Variants in GBE1 observed in about 807,000 individuals in gnomAD.
GBE1 encodes the protein 1,4-alpha-glucan-branching enzyme.
GBE1 carries 70 observed loss-of-function variants against 88.8 expected under a neutral mutation model. The observed-to-expected ratio is 0.79, with a 90% CI of 0.65 to 0.96. The LOEUF (loss-of-function observed/expected upper bound fraction) is 0.96. Ranked by LOEUF, GBE1 falls within the 40% of genes least tolerant of loss-of-function variation. GBE1 has a pLI of 0.00. For missense variants in GBE1, 872 were observed against 871.0 expected (o/e 1.00, Z -0.01); for synonymous variants, 284 against 300.1 (o/e 0.95, Z 0.56).
chr3:81,550,110 A>C (rs1401570464), intron 12 of GBE1, among the ~76,000 whole-genome samples: 1 of 151,518 alleles, frequency 6.6e-6, no homozygotes, highest in East Asian at 1.9e-4. Context: ...ACAATTGCCC[A>C]GTTCATGGAA....
chr3:81,647,267 GC>G (rs1193845496), intron 5 of GBE1, among the ~76,000 whole-genome samples: 2 of 152,048 alleles, frequency 1.3e-5, no homozygotes, highest in African/African-American at 4.8e-5. Flanking sequence ...CTGCAAGGTA[GC>G]TTTTATACAG....
chr3:81,535,288 A>G lies in GBE1; in HGVS notation c.1841T>C (p.Ile614Thr). The change falls in exon 14 of 16, where the codon ATT becomes ACT. Residue 614 changes from isoleucine to threonine, a missense_variant. Ile to Thr is a moderately conservative substitution (Grantham distance 89, BLOSUM62 -1). Transcript: ENST00000429644. ...AAGAAGACCTGCTCTTTCAAAAGCA[A>G]TGATCTTATTGCCTTCATGTTTTTC... ...VSEKHEGNKI[I>T]AFERAGLLFI... 1 of 1,611,320 alleles carries G rather than the reference A, an allele frequency of 6.2e-7. No homozygotes were observed. The highest frequency in any genetic ancestry group is 8.5e-7 in the Non-Finnish European group (1 of 1,178,574).
At chr3:81,561,685 T>C (rs1000939138) in intron 12 of GBE1, among the ~76,000 whole-genome samples, 2 of 152,028 alleles carry the variant, frequency 1.3e-5, no homozygotes, top group African/African-American at 2.4e-5. Flanking sequence ...TTTTACATTA[T>C]CAATCAAGTA....
rs1349541490 is a variant in GBE1, at chr3:81,646,499, T to C, written c.692-17A>G. 2 of 1,388,252 alleles carry C rather than the reference T, an allele frequency of 1.4e-6. No homozygotes were observed. Among genetic ancestry groups the C allele is most frequent in the African/African-American group, 1.5e-5 (1 of 67,896 alleles). The allele number at this position is 1,388,252 out of a possible 1,614,324, so 86.0% of individuals were successfully genotyped here. ...AGTTGTATCCTATATAAGGCAATGGTCAAATCTAAATTAAAAGCCACATTT... is the reference window on the plus strand; with the variant it reads ...AGTTGTATCCTATATAAGGCAATGGCCAAATCTAAATTAAAAGCCACATTT... On this transcript the variant is annotated splice_polypyrimidine_tract_variant and intron_variant, in intron 5 of 15. Transcript: ENST00000429644.
At chr3:81,629,018 G>GTT (rs34707682) in intron 7 of GBE1, among the ~76,000 whole-genome samples, 16,373 of 97,952 alleles carry the variant, frequency 0.17, 1,941 homozygotes, top group African/African-American at 0.36. Flanking sequence ...TTATGTTTAA[G>GTT]TTTTTTTTTT....
At chr3:81,602,541 G>GT (rs1349910263) in intron 7 of GBE1, among the ~76,000 whole-genome samples, 3 of 152,078 alleles carry the variant, frequency 2.0e-5, no homozygotes, top group Non-Finnish European at 4.4e-5. Flanking sequence ...ACTTCTCACT[G>GT]TATCTTCACA....
chr3:81,753,355 A>G (rs979974331), intron 1 of GBE1, among the ~76,000 whole-genome samples: 2 of 152,104 alleles, frequency 1.3e-5, no homozygotes, highest in Non-Finnish European at 2.9e-5. Flanking sequence ...TCACTTTACA[A>G]TGAAAGGTAC....
At chr3:81,651,667 T>C (rs546237963) in intron 3 of GBE1, among the ~76,000 whole-genome samples, 6 of 152,190 alleles carry the variant, frequency 3.9e-5, no homozygotes, top group African/African-American at 1.4e-4. Flanking sequence ...CAGAACAAGG[T>C]ATGAGGAAAC....
At chr3:81,544,320 T>C (rs367914647) in intron 12 of GBE1, among the ~76,000 whole-genome samples, 1 of 152,142 alleles carries the variant, frequency 6.6e-6, no homozygotes, top group Non-Finnish European at 1.5e-5. Flanking sequence ...TAGTTCTGAG[T>C]CCAAAATACG....
chr3:81,662,186 C>A (rs1320476348), intron 3 of GBE1, among the ~76,000 whole-genome samples: 1 of 152,112 alleles, frequency 6.6e-6, no homozygotes, highest in South Asian at 2.1e-4. Context: ...GCATTCCCCA[C>A]CACACCCGGC....
chr3:81,683,995 G>A (rs1231908611), intron 2 of GBE1, among the ~76,000 whole-genome samples: 1 of 152,134 alleles, frequency 6.6e-6, no homozygotes, highest in Admixed American at 6.5e-5. Context: ...AAAAAAAATA[G>A]GAAGACTTGG....
intron 10 of GBE1, among the ~76,000 whole-genome samples, chr3:81,582,759 T>C (rs370926933): frequency 1.3e-5 from 2 of 152,096 alleles, no homozygotes; most frequent in Non-Finnish European, 2.9e-5. Flanking sequence ...AAATGGATCA[T>C]GGGCTTAAAT....
intron 7 of GBE1, among the ~76,000 whole-genome samples, chr3:81,625,448 T>G (rs1559667365): frequency 6.8e-6 from 1 of 147,690 alleles, no homozygotes; most frequent in Non-Finnish European, 1.5e-5. Flanking sequence ...TCCTGGACTG[T>G]TTTTTTTTTA....
At chr3:81,695,430 C>T (rs977237322) in intron 2 of GBE1, among the ~76,000 whole-genome samples, 1 of 152,040 alleles carries the variant, frequency 6.6e-6, no homozygotes, top group African/African-American at 2.4e-5. Flanking sequence ...ATGACATGTC[C>T]AGAATAGGCG....
chr3:81,605,318 ATATAATT>A (rs1162335601), intron 7 of GBE1, among the ~76,000 whole-genome samples: 2 of 152,174 alleles, frequency 1.3e-5, no homozygotes, highest in Non-Finnish European at 2.9e-5. Context: ...TTTTACATAT[ATATAATT>A]TATAATATCC....
At chr3:81,607,233 C>T (rs1331498479) in intron 7 of GBE1, among the ~76,000 whole-genome samples, 2 of 152,040 alleles carry the variant, frequency 1.3e-5, no homozygotes, top group African/African-American at 4.8e-5. Flanking sequence ...TATTGTTTAC[C>T]TCTTCATAAA....
At position 81,499,058 on chromosome 3, in the gene GBE1, T is replaced by TAAG. The variant is rs34988523; in HGVS notation, c.2052+51_2052+52insCTT. ...GTTTATTTGAACAAAAACATTACTA[T>TAAG]AATAAAAGAGTAAATTAAAATAGCA... On this transcript the variant is annotated intron_variant, in intron 15 of 15. Coordinates refer to ENST00000429644, the MANE Select transcript of GBE1 (RefSeq NM_000158.4). 260,381 of 955,186 alleles carry TAAG rather than the reference T, an allele frequency of 0.27. 37,466 individuals are homozygous for TAAG. The highest frequency in any genetic ancestry group is 0.4 in the African/African-American group (23,765 of 59,862). The allele number at this position is 955,186 out of a possible 1,614,324, so 59.2% of individuals were successfully genotyped here.
intron 14 of GBE1, among the ~76,000 whole-genome samples, chr3:81,504,820 T>C (rs547225845): frequency 6.6e-6 from 1 of 152,304 alleles, no homozygotes; most frequent in East Asian, 1.9e-4. Context: ...ATAAAGTGTC[T>C]GTTCAAAGTA....
At chr3:81,646,631 T>C (rs1435176545) in intron 5 of GBE1, 149 bp from the exon 6 acceptor site, 1 of 570,038 alleles carries the variant, frequency 1.8e-6, no homozygotes, top group African/African-American at 2.0e-5. Flanking sequence ...ACTTTAACAT[T>C]TTTTTGTTTG....
Sources: allele counts gnomAD v4.1 joint callset (sites outside exome capture counted in the v4.1 genomes callset), GRCh38; gene constraint gnomAD v4.1.1; transcripts MANE v1.5; gene names NCBI Gene and HGNC (gene_info 2026-07-23, HGNC 2026-07-21).